ADARB2: variants seen among roughly 807,000 people sequenced by gnomAD.
ADARB2 encodes inactive double-stranded RNA-specific editase B2.
In ADARB2, 25 loss-of-function variants were observed where a neutral mutation model predicts 62.2. The observed-to-expected ratio is 0.40, with a 90% CI of 0.29 to 0.56. ADARB2 has a LOEUF of 0.56. Among genes scored for constraint, ADARB2 ranks in the 20% least tolerant of loss-of-function variants. The pLI is 0.43. For missense variants in ADARB2, 1,071 were observed against 1,077.4 expected (o/e 0.99, Z 0.08); for synonymous variants, 572 against 500.8 (o/e 1.14, Z -1.90).
intron 7 of ADARB2, among the ~76,000 whole-genome samples, chr10:1,207,120 G>A (rs1304432314): frequency 6.6e-6 from 1 of 152,228 alleles, no homozygotes; most frequent in African/African-American, 2.4e-5. Flanking sequence ...GCTGAGGCGG[G>A]TGGATCACTT....
intron 1 of ADARB2, among the ~76,000 whole-genome samples, chr10:1,506,250 C>T (rs537059305): frequency 2.6e-5 from 4 of 152,214 alleles, no homozygotes; most frequent in South Asian, 2.1e-4. Flanking sequence ...TGAATTTTGT[C>T]GTGCGGCTCA....
At chr10:1,624,156 C>G (rs918454471) in intron 1 of ADARB2, among the ~76,000 whole-genome samples, 3 of 152,096 alleles carry the variant, frequency 2.0e-5, no homozygotes, top group Non-Finnish European at 4.4e-5. Context: ...ATCACCTGAG[C>G]CCAGGAGGCT....
At chr10:1,684,226 G>C (rs957861678) in intron 1 of ADARB2, among the ~76,000 whole-genome samples, 3 of 152,198 alleles carry the variant, frequency 2.0e-5, no homozygotes, top group South Asian at 2.1e-4. Context: ...TTCTTTCTTA[G>C]AGAAGTTTTC....
At chr10:1,273,985 C>T (rs1028812033) in intron 3 of ADARB2, among the ~76,000 whole-genome samples, 7 of 152,324 alleles carry the variant, frequency 4.6e-5, no homozygotes, top group African/African-American at 1.7e-4. Flanking sequence ...TTGCAGTGCT[C>T]ATCCTCACCG....
At chr10:1,724,048 C>T (rs914273618) in intron 1 of ADARB2, among the ~76,000 whole-genome samples, 2 of 152,106 alleles carry the variant, frequency 1.3e-5, no homozygotes, top group African/African-American at 4.8e-5. Flanking sequence ...GAATGGTGTT[C>T]CCCCAAAATT....
intron 1 of ADARB2, among the ~76,000 whole-genome samples, chr10:1,573,142 C>T (rs1345359709): frequency 1.3e-5 from 2 of 152,224 alleles, no homozygotes; most frequent in African/African-American, 2.4e-5. Context: ...CATCTGCTGA[C>T]GTTTGTTTGG....
intron 1 of ADARB2, among the ~76,000 whole-genome samples, chr10:1,497,348 T>G (rs1420774594): frequency 6.6e-6 from 1 of 152,222 alleles, no homozygotes; most frequent in African/African-American, 2.4e-5. Flanking sequence ...GCCTTCATCA[T>G]ATGAAATATT....
At chr10:1,581,102 C>T (rs1375440750) in intron 1 of ADARB2, among the ~76,000 whole-genome samples, 10 of 152,204 alleles carry the variant, frequency 6.6e-5, no homozygotes, top group African/African-American at 2.4e-4. Context: ...TGCTGGAATA[C>T]GTGGTGAAAA....
intron 3 of ADARB2, among the ~76,000 whole-genome samples, chr10:1,288,712 C>A (rs760001871): frequency 9.2e-5 from 14 of 152,172 alleles, no homozygotes; most frequent in Non-Finnish European, 1.5e-4. Flanking sequence ...GGAGAATGAC[C>A]CCCAAACTCC....
chr10:1,586,900 A>G (rs1390010622), intron 1 of ADARB2, among the ~76,000 whole-genome samples: 1 of 152,230 alleles, frequency 6.6e-6, no homozygotes, highest in African/African-American at 2.4e-5. Context: ...AATGAAATAC[A>G]ATGTAATGAA....
At chr10:1,664,778 G>T (rs1018643358) in intron 1 of ADARB2, among the ~76,000 whole-genome samples, 3 of 152,168 alleles carry the variant, frequency 2.0e-5, no homozygotes, top group African/African-American at 4.8e-5. Flanking sequence ...GACTCTGGGG[G>T]CCCTGCCATC....
At chr10:1,736,025 G>T (rs1835296129) in intron 1 of ADARB2, among the ~76,000 whole-genome samples, 2 of 152,244 alleles carry the variant, frequency 1.3e-5, no homozygotes, top group South Asian at 4.1e-4. Context: ...TCAAACAACT[G>T]GCAAAGCTGA....
intron 1 of ADARB2, among the ~76,000 whole-genome samples, chr10:1,622,679 G>C (rs1413080139): frequency 1.3e-5 from 2 of 152,194 alleles, no homozygotes; most frequent in African/African-American, 4.8e-5. Flanking sequence ...AAAATACCAA[G>C]TGTTGGATGA....
At chr10:1,470,916 G>C (rs912655698) in intron 1 of ADARB2, among the ~76,000 whole-genome samples, 10 of 152,122 alleles carry the variant, frequency 6.6e-5, no homozygotes, top group African/African-American at 2.4e-4. Context: ...AAAATTAGCC[G>C]GGCATGGTGG....
At chr10:1,678,479 G>A (rs558755928) in intron 1 of ADARB2, 1 of 338,010 alleles carries the variant, frequency 3.0e-6, no homozygotes. Flanking sequence ...CGAGAACTTT[G>A]GGGCATGCAG....
chr10:1,510,321 C>T (rs1183178917), intron 1 of ADARB2, among the ~76,000 whole-genome samples: 1 of 151,954 alleles, frequency 6.6e-6, no homozygotes, highest in Non-Finnish European at 1.5e-5. Flanking sequence ...GCTGGAATGA[C>T]AGCTGCGTGC....
chr10:1,245,935 C>T (rs1830982613), intron 4 of ADARB2, among the ~76,000 whole-genome samples: 1 of 151,606 alleles, frequency 6.6e-6, no homozygotes, highest in African/African-American at 2.4e-5. Flanking sequence ...AATGGTTGAA[C>T]TAGTTTACAG....
At chr10:1,354,516 G>A (rs1398802131) in intron 3 of ADARB2, among the ~76,000 whole-genome samples, 2 of 152,184 alleles carry the variant, frequency 1.3e-5, no homozygotes, top group Non-Finnish European at 2.9e-5. Context: ...TGAAATAAAC[G>A]GCCTTGTTGC....
intron 1 of ADARB2, among the ~76,000 whole-genome samples, chr10:1,440,386 C>T (rs1435357287): frequency 6.6e-6 from 1 of 151,482 alleles, no homozygotes; most frequent in Admixed American, 6.6e-5. Context: ...TATTATATCT[C>T]CAGTCCTTAA....
Sources: gnomAD v4.1 joint callset for allele counts (sites outside exome capture counted in the v4.1 genomes callset) on GRCh38, gnomAD v4.1.1 for gene constraint, MANE v1.5 for transcripts, NCBI Gene and HGNC (gene_info 2026-07-23, HGNC 2026-07-21) for gene names.